Variants in MAP3K7CL observed in about 807,000 individuals in gnomAD.
MAP3K7CL encodes MAP3K7 C-terminal-like protein.
In MAP3K7CL, 16 loss-of-function variants were observed where a neutral mutation model predicts 18.6. The ratio of observed to expected loss-of-function variants is 0.86; its 90% CI spans 0.58 to 1.31. MAP3K7CL has a LOEUF of 1.31. Ranked by LOEUF, MAP3K7CL falls within the 50% of genes most tolerant of loss-of-function variation. The pLI, the probability that MAP3K7CL is intolerant of heterozygous loss-of-function variation, is 0.00. For missense variants in MAP3K7CL, 163 were observed against 174.4 expected (o/e 0.93, Z 0.37); for synonymous variants, 65 against 66.8 (o/e 0.97, Z 0.13).
At chr21:29,131,898 A>G (rs574547642) in intron 1 of MAP3K7CL, among the ~76,000 whole-genome samples, 12 of 152,316 alleles carry the variant, frequency 7.9e-5, no homozygotes, top group African/African-American at 2.6e-4. Context: ...TTTTAGATAG[A>G]TAGAGGAAAG....
chr21:29,160,018 T>C lies in MAP3K7CL; in HGVS notation c.210T>C (p.His70=), dbSNP rs775291825. ...KQHCQIAEEY[H]EVKKEITLLE... is the part of the protein sequence containing the mutation. ...ACTGCCAAATAGCAGAAGAATACCA[T>C]GAGGTCAAAAAGGAAATCACCCTGC... Residue 70 remains histidine (H), a synonymous_variant, in exon 4 of 5, where the codon CAT becomes CAC. Transcript: ENST00000399928. 6.2e-7 allele frequency: 1 copy of C among 1,613,868 alleles called. No homozygotes were observed.
At chr21:29,140,908 G>T (rs68101501) in intron 2 of MAP3K7CL, among the ~76,000 whole-genome samples, 50,506 of 151,932 alleles carry the variant, frequency 0.33, 8,497 homozygotes, top group Non-Finnish European at 0.35. Flanking sequence ...CTCCCAAGTA[G>T]CTAGGACTAC....
At chr21:29,112,141 CA>C (rs1461079358) in intron 4 of MAP3K7CL, among the ~76,000 whole-genome samples, 10 of 151,954 alleles carry the variant, frequency 6.6e-5, no homozygotes, top group Admixed American at 2.0e-4. Context: ...TACTAAAATA[CA>C]AAAAAATTAG....
chr21:29,083,513 T>A (rs2085871657), upstream of MAP3K7CL, among the ~76,000 whole-genome samples: 1 of 152,204 alleles, frequency 6.6e-6, no homozygotes, highest in Admixed American at 6.5e-5. Flanking sequence ...CATTGCATGG[T>A]ATCCTTTTTA....
At chr21:29,104,139 T>G (rs1367891393) in intron 4 of MAP3K7CL, among the ~76,000 whole-genome samples, 1 of 152,186 alleles carries the variant, frequency 6.6e-6, no homozygotes, top group Admixed American at 6.5e-5. Context: ...TGTTTGGTTT[T>G]TTGCAAATCA....
upstream of MAP3K7CL, among the ~76,000 whole-genome samples, chr21:29,081,446 G>A (rs574448183): frequency 1.8e-4 from 28 of 152,342 alleles, no homozygotes; most frequent in African/African-American, 6.0e-4. Context: ...CCAGCTACTC[G>A]GGAGGCTGAG....
At chr21:29,138,337 A>G (rs946305184) in intron 2 of MAP3K7CL, among the ~76,000 whole-genome samples, 1 of 152,226 alleles carries the variant, frequency 6.6e-6, no homozygotes, top group Non-Finnish European at 1.5e-5. Flanking sequence ...TGGAAATTTC[A>G]AAGAGTCGAA....
intron 1 of MAP3K7CL, among the ~76,000 whole-genome samples, chr21:29,087,486 G>A (rs1161932094): frequency 6.6e-6 from 1 of 151,804 alleles, no homozygotes; most frequent in African/African-American, 2.4e-5. Flanking sequence ...GTTTTTGGAT[G>A]AAGAAGCTAA....
chr21:29,117,255 C>G (rs919141059), intron 4 of MAP3K7CL, among the ~76,000 whole-genome samples: 1 of 152,124 alleles, frequency 6.6e-6, no homozygotes, highest in East Asian at 1.9e-4. Context: ...GTGGACTCTT[C>G]TAGGAAATCT....
intron 3 of MAP3K7CL, 115 bp from the exon 4 acceptor site, chr21:29,159,825 TA>T (rs60797531): frequency 0.48 from 291,286 of 601,718 alleles, 38,509 homozygotes; most frequent in African/African-American, 0.67. Context: ...GTTCTCACGT[TA>T]AAAAAAAAAA....
At chr21:29,079,194 G>C (rs1280384052) in intron 1 of MAP3K7CL, among the ~76,000 whole-genome samples, 1 of 152,220 alleles carries the variant, frequency 6.6e-6, no homozygotes, top group Non-Finnish European at 1.5e-5. Flanking sequence ...GGTGAGATCA[G>C]GAGGTGAAAG....
rs374375003 is a variant in MAP3K7CL, at chr21:29,174,858, G to A, written c.395G>A (p.Arg132Gln). The part of the protein sequence containing the change: ...SQCVEQLEKL[R>Q]IQYQKRQGSS ...TGTGTGGAACAACTGGAGAAACTTCGAATACAGTATCAGAAGAGGCAGGGC... is the reference window on the plus strand; with the variant it reads ...TGTGTGGAACAACTGGAGAAACTTCAAATACAGTATCAGAAGAGGCAGGGC... The change falls in exon 5 of 5, where the codon CGA (arginine) becomes CAA (glutamine). Residue 132 changes from arginine to glutamine, a missense_variant. By Grantham distance (43) the Arg-to-Gln change is conservative. Transcript: ENST00000399928. The A allele has an allele frequency of 6.2e-6, 10 of 1,614,074 alleles. No individual in the cohort carries two copies. Among genetic ancestry groups the A allele is most frequent in the South Asian group, 3.3e-5 (3 of 91,070 alleles).
At chr21:29,093,573 C>T (rs1051040770) in intron 4 of MAP3K7CL, among the ~76,000 whole-genome samples, 5 of 152,150 alleles carry the variant, frequency 3.3e-5, no homozygotes, top group Non-Finnish European at 7.4e-5. Flanking sequence ...GCTCCGCCTC[C>T]TGGGTTCACG....
At chr21:29,134,866 G>A (rs1246956932) in intron 2 of MAP3K7CL, among the ~76,000 whole-genome samples, 4 of 152,082 alleles carry the variant, frequency 2.6e-5, no homozygotes, top group African/African-American at 4.8e-5. Flanking sequence ...TGGCTAATAC[G>A]GTGAAACCCT....
rs141113247 is a variant in MAP3K7CL, at chr21:29,112,275, C to T, written c.370+19694C>T. On this transcript the variant is annotated intron_variant, in intron 4 of 6. Transcript: ENST00000286791. Reference sequence around the variant, plus strand: ...ATCACGCCATTGCACTCCAGCCTGGCGACAGAGCAAGACTCTGTCTCAAAA... The same window carrying T: ...ATCACGCCATTGCACTCCAGCCTGGTGACAGAGCAAGACTCTGTCTCAAAA... Among the ~76,000 whole-genome samples the T allele has an allele frequency of 1.6e-3, 242 of 152,000 alleles. 1 individual carries two copies. Among genetic ancestry groups the T allele is most frequent in the African/African-American group, 5.5e-3 (226 of 41,456 alleles).
chr21:29,086,149 C>T (rs2085922207), intron 1 of MAP3K7CL, among the ~76,000 whole-genome samples: 1 of 152,176 alleles, frequency 6.6e-6, no homozygotes, highest in Non-Finnish European at 1.5e-5. Flanking sequence ...CAATTTTGAG[C>T]CAAGTCATTT....
chr21:29,081,235 G>A (rs2085829400), upstream of MAP3K7CL, among the ~76,000 whole-genome samples: 1 of 152,210 alleles, frequency 6.6e-6, no homozygotes, highest in Admixed American at 6.5e-5. Flanking sequence ...ATTACCTGGA[G>A]GAGGTTTTCT....
In MAP3K7CL at chr21:29,156,908, C is replaced by T. The variant is rs143637370; in HGVS notation, c.133-3033C>T. 1.2e-3 allele frequency among the ~76,000 whole-genome samples: 188 copies of T among 152,202 alleles called. 1 individual carries two copies. The highest frequency in any genetic ancestry group is 3.4e-3 in the Middle Eastern group (1 of 294). ...TGACCGGAGAGCACTTTGATTTGCT[C>T]AACAATGTTTGGGGTTACCAGTGAA... On this transcript the variant is annotated intron_variant, in intron 3 of 4. Coordinates refer to ENST00000399928, the MANE Select transcript of MAP3K7CL (RefSeq NM_001286620.2).
At chr21:29,157,259 C>T (rs572641346) in intron 3 of MAP3K7CL, among the ~76,000 whole-genome samples, 1 of 152,234 alleles carries the variant, frequency 6.6e-6, no homozygotes, top group East Asian at 1.9e-4. Context: ...AAAGTCTGTA[C>T]CCATTAAACA....
Sources: gnomAD v4.1 joint callset for allele counts (sites outside exome capture counted in the v4.1 genomes callset) on GRCh38, gnomAD v4.1.1 for gene constraint, MANE v1.5 for transcripts, NCBI Gene and HGNC (gene_info 2026-07-23, HGNC 2026-07-21) for gene names.